Variants in WDR82 observed in about 807,000 individuals in gnomAD.
WDR82 encodes WD repeat domain 82, also known as WD repeat-containing protein 82.
WDR82 carries 8 observed loss-of-function variants against 36.1 expected under a neutral mutation model. The ratio of observed to expected loss-of-function variants is 0.22; its 90% CI spans 0.13 to 0.40. The LOEUF (loss-of-function observed/expected upper bound fraction) is 0.40, where lower values mean the gene tolerates loss of function less well. Among genes scored for constraint, WDR82 ranks in the 10% least tolerant of loss-of-function variants. The probability of loss-of-function intolerance (pLI) is 1.00; values close to 1 mark genes in which losing one functional copy is unlikely to be tolerated. For synonymous variants in WDR82, 129 were observed against 137.8 expected, an observed-to-expected ratio of 0.94 and a Z score of 0.45; for missense variants, 185 against 400.5, an observed-to-expected ratio of 0.46 and a Z score of 4.59.
chr3:52,278,404 G>T lies in WDR82; in HGVS notation c.-43C>A. ...GCAGCGGCGGCGCAGGGCCGGGGCG[G>T]GGCCCGGCGGCGAGCGGGCGGGCTG... On this transcript the variant is annotated 5_prime_UTR_variant, in exon 1 of 9. Coordinates refer to ENST00000296490, the MANE Select transcript of WDR82 (RefSeq NM_025222.4). The T allele has an allele frequency of 7.8e-7, 1 of 1,286,028 alleles. No homozygotes were observed. The highest frequency in any genetic ancestry group is 9.9e-7 in the Non-Finnish European group (1 of 1,011,742). The allele number at this position is 1,286,028 out of a possible 1,614,324, so 79.7% of individuals were successfully genotyped here.
intron 1 of WDR82, among the ~76,000 whole-genome samples, chr3:52,271,770 A>G (rs1700156622): frequency 6.6e-6 from 1 of 152,216 alleles, no homozygotes; most frequent in Non-Finnish European, 1.5e-5. Context: ...CCAGTTAAAT[A>G]GTTCCTTTGC....
At position 52,266,474 on chromosome 3, in the gene WDR82, G is replaced by A. The variant is rs901504770; in HGVS notation, c.326+478C>T. On this transcript the variant is annotated intron_variant, in intron 3 of 8. Coordinates refer to ENST00000296490, the MANE Select transcript of WDR82 (RefSeq NM_025222.4). ...TATCTTTGAGACGGAGTCTCACTCT[G>A]TCGCCCAAGCTGGAGTGCAGTGGCG... Among the ~76,000 whole-genome samples the A allele has an allele frequency of 1.1e-4, 17 of 152,138 alleles. No homozygotes were observed. In the South Asian group the frequency reaches 2.3e-3, roughly 20 times the overall value.
rs1553618801 is a variant in WDR82, at chr3:52,259,876, C to T, written c.544-4G>A. On this transcript the variant is annotated splice_polypyrimidine_tract_variant and splice_region_variant and intron_variant, in intron 5 of 8. Transcript: ENST00000296490. ...TCTTAAAGGTAGCAAATGGCCCCTG[C>T]AAAAGATAAAAAACAGTAGCCCCAG... 5 of 1,609,506 alleles carry T rather than the reference C, an allele frequency of 3.1e-6. No individual in the cohort carries two copies. The highest frequency in any genetic ancestry group is 4.2e-6 in the Non-Finnish European group (5 of 1,178,036).
intron 1 of WDR82, among the ~76,000 whole-genome samples, chr3:52,272,605 A>G (rs1005577545): frequency 6.6e-6 from 1 of 152,160 alleles, no homozygotes; most frequent in Non-Finnish European, 1.5e-5. Flanking sequence ...TCTAGATTCA[A>G]ATGCTAAAAT....
chr3:52,259,342 G>T, intron 6 of WDR82, 76 bp from the exon 7 acceptor site: 1 of 1,366,014 alleles, frequency 7.3e-7, no homozygotes, highest in Non-Finnish European at 1.0e-6. Flanking sequence ...CACTGACTCA[G>T]CACATGCATC....
chr3:52,261,950 C>T (rs756172166), intron 3 of WDR82, among the ~76,000 whole-genome samples: 148 of 152,302 alleles, frequency 9.7e-4, no homozygotes, highest in Admixed American at 1.9e-3. Context: ...CAAAAATGTA[C>T]ACATATGTTC....
At position 52,266,822 on chromosome 3, in the gene WDR82, G is replaced by T. The variant is rs187253562; in HGVS notation, c.326+130C>A. On this transcript the variant is annotated intron_variant, in intron 3 of 8. Coordinates refer to ENST00000296490, the MANE Select transcript of WDR82 (RefSeq NM_025222.4). The stretch of plus-strand genomic sequence containing the variant: ...TAAATCAAGAGTTGACTATTTAAGA[G>T]AAGATGAAGAATGCCAAGCAGTAGT... 18 of 739,510 alleles carry T rather than the reference G, an allele frequency of 2.4e-5. No homozygotes were observed. In the Admixed American group the frequency reaches 4.2e-4, roughly 17 times the overall value. 45.8% of individuals were successfully genotyped at this position (739,510 alleles called of 1,614,324 possible). A position where few individuals can be genotyped will look rare whatever the true frequency, so the allele number is the denominator to read the frequency against.
In WDR82 at chr3:52,254,498, G is replaced by A. The variant is rs1459071216; in HGVS notation, c.*2992C>T. 1 of 152,598 alleles carries A rather than the reference G, an allele frequency of 6.6e-6. No individual in the cohort carries two copies. Among genetic ancestry groups the A allele is most frequent in the Non-Finnish European group, 1.5e-5 (1 of 68,044 alleles). 9.5% of individuals were successfully genotyped at this position (152,598 alleles called of 1,614,324 possible). ...TTAAGTACAAAAGGGACATAAAATT[G>A]TATATACAGAATAACGACTATGTAA... is the stretch of plus-strand genomic sequence containing the variant. On this transcript the variant is annotated 3_prime_UTR_variant, in exon 9 of 9. Transcript: ENST00000296490.
At position 52,256,790 on chromosome 3, in the gene WDR82, C is replaced by G. The variant is rs1292535044; in HGVS notation, c.*700G>C. 1 of 153,134 alleles carries G rather than the reference C, an allele frequency of 6.5e-6. No individual in the cohort carries two copies. Among genetic ancestry groups the G allele is most frequent in the Non-Finnish European group, 1.5e-5 (1 of 68,150 alleles). The allele number at this position is 153,134 out of a possible 1,614,324, so 9.5% of individuals were successfully genotyped here. On this transcript the variant is annotated 3_prime_UTR_variant, in exon 9 of 9. Transcript: ENST00000296490. The stretch of plus-strand genomic sequence containing the variant: ...ACCTGCTACCCTCCCGCTACCCTCC[C>G]CTTTCCCTCCCTTTCAGGCCCTTGG...
At position 52,269,886 on chromosome 3, in the gene WDR82, A is replaced by G. The variant is rs535232863; in HGVS notation, c.259+826T>C. Among the ~76,000 whole-genome samples, 359 of 152,376 alleles carry G rather than the reference A, an allele frequency of 2.4e-3. 2 individuals are homozygous for G. The highest frequency in any genetic ancestry group is 0.01 in the Middle Eastern group (3 of 294). On this transcript the variant is annotated intron_variant, in intron 2 of 8. Coordinates refer to ENST00000296490, the MANE Select transcript of WDR82 (RefSeq NM_025222.4). ...GGCAAAAACAGAGATTGTTTATTAT[A>G]GAAAGAAACTCACAAGTTCAATTTC...
chr3:52,266,689 C>T (rs1459449309), intron 3 of WDR82, among the ~76,000 whole-genome samples: 4 of 152,152 alleles, frequency 2.6e-5, no homozygotes, highest in African/African-American at 4.8e-5. Context: ...CCGCCCGCCG[C>T]GGCCTCCCAA....
In WDR82 at chr3:52,269,662, G is replaced by A. The variant is rs183668492; in HGVS notation, c.259+1050C>T. Among the ~76,000 whole-genome samples, 316 of 151,938 alleles carry A rather than the reference G, an allele frequency of 2.1e-3. 1 individual carries two copies. The highest frequency in any genetic ancestry group is 3.5e-3 in the Non-Finnish European group (235 of 67,938). On this transcript the variant is annotated intron_variant, in intron 2 of 8. Coordinates refer to ENST00000296490, the MANE Select transcript of WDR82 (RefSeq NM_025222.4). ...GGAGAATTACTTGAACCCGGGAGGC[G>A]GAGGTTGCAGCGAGCTGAGATCGCG... is the stretch of plus-strand genomic sequence containing the variant.
chr3:52,261,374 C>A lies in WDR82; in HGVS notation c.426+6G>T. On this transcript the variant is annotated splice_donor_region_variant and intron_variant, in intron 4 of 8. Transcript: ENST00000296490. The stretch of plus-strand genomic sequence containing the variant: ...CTCAAAAAGTATAACTGTGAGGTAC[C>A]ATTACCTGGCAGTTAGGAGACCGGA... 1 of 1,608,434 alleles carries A rather than the reference C, an allele frequency of 6.2e-7. No homozygotes were observed. Among genetic ancestry groups the A allele is most frequent in the Non-Finnish European group, 8.5e-7 (1 of 1,177,474 alleles).
At chr3:52,276,008 G>A (rs1234649767) in intron 1 of WDR82, among the ~76,000 whole-genome samples, 2 of 152,246 alleles carry the variant, frequency 1.3e-5, no homozygotes, top group East Asian at 3.8e-4. Flanking sequence ...AGCAAATGCA[G>A]AAAATGTAAC....
Position 52,278,401 on chromosome 3 carries a change from G to T in WDR82, c.-40C>A, listed in dbSNP as rs1214483100. On this transcript the variant is annotated 5_prime_UTR_variant, in exon 1 of 9. Transcript: ENST00000296490. ...AAGGCAGCGGCGGCGCAGGGCCGGGGCGGGGCCCGGCGGCGAGCGGGCGGG... is the reference window on the plus strand; with the variant it reads ...AAGGCAGCGGCGGCGCAGGGCCGGGTCGGGGCCCGGCGGCGAGCGGGCGGG... 15 of 1,285,588 alleles carry T rather than the reference G, an allele frequency of 1.2e-5. No individual in the cohort carries two copies. Among genetic ancestry groups the T allele is most frequent in the Non-Finnish European group, 1.5e-5 (15 of 1,011,438 alleles). The allele number at this position is 1,285,588 out of a possible 1,614,324, so 79.6% of individuals were successfully genotyped here.
chr3:52,255,622 A>AG lies in WDR82; in HGVS notation c.*1867dup. 6.6e-6 allele frequency: 1 copy of AG among 152,016 alleles called. No homozygotes were observed. The highest frequency in any genetic ancestry group is 1.5e-5 in the Non-Finnish European group (1 of 67,970). The allele number at this position is 152,016 out of a possible 1,614,324, so 9.4% of individuals were successfully genotyped here. ...AAAAAGTAATTGCTTAAAAAAAAAA[A>AG]GTGCTAGCAATTCACAGCCTATTCC... On this transcript the variant is annotated 3_prime_UTR_variant, in exon 9 of 9. Transcript: ENST00000296490.
In WDR82 at chr3:52,254,507, G is replaced by A. The variant is rs1180477208; in HGVS notation, c.*2983C>T. The A allele has an allele frequency of 2.0e-5, 3 of 152,616 alleles. No homozygotes were observed. The highest frequency in any genetic ancestry group is 6.5e-5 in the Admixed American group (1 of 15,280). 9.5% of individuals were successfully genotyped at this position (152,616 alleles called of 1,614,324 possible). A position where few individuals can be genotyped will look rare whatever the true frequency, so the allele number is the denominator to read the frequency against. On this transcript the variant is annotated 3_prime_UTR_variant, in exon 9 of 9. Transcript: ENST00000296490. The stretch of plus-strand genomic sequence containing the variant: ...AAAGGGACATAAAATTGTATATACA[G>A]AATAACGACTATGTAAACACACCAA...
rs1426080621 is a variant in WDR82 at position 52,263,251 on chromosome 3, A to G, written c.327-1772T>C. 2.0e-5 allele frequency among the ~76,000 whole-genome samples: 3 copies of G among 152,224 alleles called. No individual in the cohort carries two copies. In the East Asian group the frequency reaches 5.8e-4, roughly 29 times the overall value. ...AGTACAGGGAACACATGGAGAAGTAAGACCCCGACCGTAAGGAATTTTAAC... is the reference window on the plus strand; with the variant it reads ...AGTACAGGGAACACATGGAGAAGTAGGACCCCGACCGTAAGGAATTTTAAC... On this transcript the variant is annotated intron_variant, in intron 3 of 8. Transcript: ENST00000296490.
chr3:52,268,299 A>G (rs1166657040), intron 2 of WDR82: 1 of 471,994 alleles, frequency 2.1e-6, no homozygotes. Context: ...TGGCCTGTAC[A>G]GTTATCTCCT....
Sources: allele counts gnomAD v4.1 joint callset (sites outside exome capture counted in the v4.1 genomes callset), GRCh38; gene constraint gnomAD v4.1.1; transcripts MANE v1.5; gene names NCBI Gene and HGNC (gene_info 2026-07-23, HGNC 2026-07-21).